Variants in LANCL2 observed in about 807,000 individuals in gnomAD.
LANCL2 encodes the protein LanC like glutathione S-transferase 2, also known as lanC-like protein 2.
Under a neutral mutation model 56.9 loss-of-function variants are expected in LANCL2, and 33 were observed. That is an observed-to-expected ratio of 0.58 (90% CI 0.44 to 0.78). LANCL2 has a LOEUF of 0.78. LANCL2 is among the 30% of genes least tolerant of loss of function. The pLI is 0.00. For synonymous variants in LANCL2, 233 were observed against 228.2 expected (o/e 1.02, Z -0.19); for missense variants, 562 against 580.2 (o/e 0.97, Z 0.32).
intron 5 of LANCL2, 146 bp downstream of exon 5, chr7:55,401,466 G>A: frequency 5.0e-6 from 2 of 402,802 alleles, no homozygotes. Context: ...ACCACAGGCA[G>A]TGGATTTCTA....
At chr7:55,406,925 G>A (rs745903512) in intron 5 of LANCL2, among the ~76,000 whole-genome samples, 21 of 152,238 alleles carry the variant, frequency 1.4e-4, no homozygotes, top group Middle Eastern at 3.4e-3. Flanking sequence ...GAAAGATGGC[G>A]TCAGTGCCCG....
chr7:55,369,039 T>A (rs1178412767), intron 1 of LANCL2, among the ~76,000 whole-genome samples: 1 of 152,118 alleles, frequency 6.6e-6, no homozygotes, highest in Non-Finnish European at 1.5e-5. Context: ...GATGGCCATG[T>A]GATGATGGAG....
At chr7:55,413,326 G>T (rs2128995360) in intron 6 of LANCL2, among the ~76,000 whole-genome samples, 1 of 152,276 alleles carries the variant, frequency 6.6e-6, no homozygotes, top group African/African-American at 2.4e-5. Flanking sequence ...ACAGACAGGG[G>T]CCCTCTGATA....
intron 3 of LANCL2, 149 bp from the exon 4 acceptor site, chr7:55,399,808 T>G: frequency 5.7e-6 from 3 of 529,078 alleles, no homozygotes; most frequent in Non-Finnish European, 6.2e-6. Flanking sequence ...GACGTTTTTG[T>G]TGTGTTCTGG....
intron 5 of LANCL2, among the ~76,000 whole-genome samples, chr7:55,411,001 G>A (rs1054738722): frequency 6.6e-6 from 1 of 151,762 alleles, no homozygotes; most frequent in Non-Finnish European, 1.5e-5. Context: ...CACTCTGAAG[G>A]CATTGTGTGG....
At chr7:55,396,007 C>T (rs1414784089) in intron 2 of LANCL2, among the ~76,000 whole-genome samples, 1 of 152,150 alleles carries the variant, frequency 6.6e-6, no homozygotes, top group Non-Finnish European at 1.5e-5. Flanking sequence ...AATACTGTAG[C>T]AATTGTAACA....
intron 1 of LANCL2, 63 bp from the exon 2 acceptor site, chr7:55,391,730 G>A: frequency 1.1e-6 from 1 of 889,486 alleles, no homozygotes; most frequent in South Asian, 1.4e-5. Flanking sequence ...AGACTTTAAA[G>A]TATTTATTGC....
chr7:55,402,877 G>T (rs1206654630), intron 5 of LANCL2, among the ~76,000 whole-genome samples: 1 of 144,448 alleles, frequency 6.9e-6, no homozygotes. Flanking sequence ...CATCTCAGAC[G>T]ATGGGCGGCC....
At chr7:55,414,952 C>T (rs533804699) in intron 6 of LANCL2, among the ~76,000 whole-genome samples, 1 of 138,362 alleles carries the variant, frequency 7.2e-6, no homozygotes, top group Non-Finnish European at 1.5e-5. Context: ...CCACTGCACT[C>T]CAGCCTGGGT....
At chr7:55,367,371 T>C (rs1269337158) in intron 1 of LANCL2, among the ~76,000 whole-genome samples, 1 of 152,222 alleles carries the variant, frequency 6.6e-6, no homozygotes, top group Non-Finnish European at 1.5e-5. Flanking sequence ...GCCATTGGTC[T>C]GAATATGGAA....
intron 5 of LANCL2, among the ~76,000 whole-genome samples, chr7:55,406,442 G>T (rs1790408129): frequency 6.6e-6 from 1 of 152,168 alleles, no homozygotes; most frequent in Non-Finnish European, 1.5e-5. Context: ...GAAAGATCTG[G>T]TTCCCGCTTA....
intron 4 of LANCL2, among the ~76,000 whole-genome samples, chr7:55,400,327 A>ACAG (rs1790306922): frequency 6.6e-6 from 1 of 152,234 alleles, no homozygotes; most frequent in African/African-American, 2.4e-5. Context: ...CTGGAGCTAA[A>ACAG]CAGCAGCAGC....
At chr7:55,380,613 T>G (rs1421208914) in intron 1 of LANCL2, among the ~76,000 whole-genome samples, 1 of 152,184 alleles carries the variant, frequency 6.6e-6, no homozygotes, top group East Asian at 1.9e-4. Context: ...TTCTATCGAA[T>G]ATGTTACAGT....
intron 1 of LANCL2, among the ~76,000 whole-genome samples, chr7:55,390,257 TC>T (rs777650634): frequency 2.0e-5 from 3 of 152,110 alleles, no homozygotes; most frequent in Non-Finnish European, 4.4e-5. Context: ...GAGAAATAAT[TC>T]CATAGTCATA....
intron 6 of LANCL2, among the ~76,000 whole-genome samples, chr7:55,421,969 T>TA (rs1790613990): frequency 6.6e-6 from 1 of 152,184 alleles, no homozygotes; most frequent in Non-Finnish European, 1.5e-5. Flanking sequence ...TGGGCTCAAG[T>TA]GATCCTTCTG....
chr7:55,384,713 T>G (rs1790105954), intron 1 of LANCL2, among the ~76,000 whole-genome samples: 1 of 152,194 alleles, frequency 6.6e-6, no homozygotes, highest in Non-Finnish European at 1.5e-5. Flanking sequence ...GGAATTTTAC[T>G]GACGGCTGAT....
At chr7:55,413,877 T>A (rs1165780019) in intron 6 of LANCL2, among the ~76,000 whole-genome samples, 1 of 152,122 alleles carries the variant, frequency 6.6e-6, no homozygotes, top group East Asian at 1.9e-4. Context: ...CTTCTGGGGG[T>A]AGGAAGGCAT....
At position 55,373,901 on chromosome 7, in the gene LANCL2, T is replaced by G. The variant is rs180953437; in HGVS notation, c.204+7672T>G. ...AACTAGCAGTTGGCTAGGGCCAGAC[T>G]AGGTTTTGAGCAAATTTTGCTTGAA... On this transcript the variant is annotated intron_variant, in intron 1 of 8. Coordinates refer to ENST00000254770, the MANE Select transcript of LANCL2 (RefSeq NM_018697.4). Among the ~76,000 whole-genome samples the G allele has an allele frequency of 4.5e-3, 689 of 152,368 alleles. 3 individuals carry two copies. The highest frequency in any genetic ancestry group is 6.9e-3 in the Non-Finnish European group (472 of 68,036).
intron 6 of LANCL2, among the ~76,000 whole-genome samples, chr7:55,413,332 T>C (rs1790491606): frequency 6.6e-6 from 1 of 152,232 alleles, no homozygotes; most frequent in Non-Finnish European, 1.5e-5. Flanking sequence ...AGGGGCCCTC[T>C]GATACTTTTA....
Sources: gnomAD v4.1 joint callset for allele counts (sites outside exome capture counted in the v4.1 genomes callset) on GRCh38, gnomAD v4.1.1 for gene constraint, MANE v1.5 for transcripts, NCBI Gene and HGNC (gene_info 2026-07-23, HGNC 2026-07-21) for gene names.